DYM: variants seen among roughly 807,000 people sequenced by gnomAD.
DYM encodes dymeclin, also known as dyggve-Melchior-Clausen syndrome protein.
A neutral mutation model predicts 93.1 loss-of-function variants in DYM; 78 were observed. The ratio of observed to expected loss-of-function variants is 0.84; its 90% CI spans 0.70 to 1.01. The LOEUF is 1.01. DYM is among the 50% of genes least tolerant of loss of function. The pLI is 0.00. For missense variants in DYM, 789 were observed against 845.0 expected, an observed-to-expected ratio of 0.93 and a Z score of 0.82; for synonymous variants, 321 against 319.7, an observed-to-expected ratio of 1.00 and a Z score of -0.04.
chr18:49,333,767 C>A lies in DYM; in HGVS notation c.581G>T (p.Arg194Leu). The change falls in exon 7 of 18, where the codon CGA (arginine) becomes CTA (leucine). Residue 194 changes from arginine (R) to leucine (L), a missense_variant. Physicochemically the swap from Arg to Leu is moderately radical, Grantham distance 102 (BLOSUM62 -2). Around this residue, in one of 3 missense-constraint regions of DYM, gnomAD observed 450 missense variants for 436.2 expected, o/e 1.03. Transcript: ENST00000675505. ...CAAATACTTGTGGCTGATGCTCTGT[C>A]GCAAAACTTCTTTGTGGAAGAGTTG... ...SCQLFHKEVL[R>L]QSISHKYLMR... 1 of 1,613,910 alleles carries A rather than the reference C, an allele frequency of 6.2e-7. No individual in the cohort carries two copies. The highest frequency in any genetic ancestry group is 8.5e-7 in the Non-Finnish European group (1 of 1,179,918).
chr18:49,232,649 C>T (rs2093735747), intron 13 of DYM, among the ~76,000 whole-genome samples: 1 of 142,274 alleles, frequency 7.0e-6, no homozygotes, highest in Non-Finnish European at 1.5e-5. Flanking sequence ...TGCTCTGTCG[C>T]CCAGGATGGA....
intron 14 of DYM, among the ~76,000 whole-genome samples, chr18:49,203,004 G>A (rs1444020491): frequency 3.4e-5 from 2 of 57,982 alleles, no homozygotes; most frequent in East Asian, 6.3e-4. Context: ...AGGGAGGTGG[G>A]GGGGTCAGCC....
rs753105296 is a variant in DYM, at chr18:49,051,516, G to A, written c.2026-7312C>T. Among the ~76,000 whole-genome samples, 21 of 152,360 alleles carry A rather than the reference G, an allele frequency of 1.4e-4. No homozygotes were observed. The South Asian group carries it at 3.1e-3, about 23-fold the overall frequency. On this transcript the variant is annotated intron_variant, in intron 17 of 17. Coordinates refer to ENST00000675505, the MANE Select transcript of DYM (RefSeq NM_001353214.3). ...CTGCCATGCCTCTAGGCTCTGCAGGGTTCACTTGAAGAAAGGGTTGAATGG... is the reference window on the plus strand; with the variant it reads ...CTGCCATGCCTCTAGGCTCTGCAGGATTCACTTGAAGAAAGGGTTGAATGG...
At chr18:49,059,755 T>C (rs1361789211) in intron 17 of DYM, among the ~76,000 whole-genome samples, 1 of 152,034 alleles carries the variant, frequency 6.6e-6, no homozygotes, top group Non-Finnish European at 1.5e-5. Flanking sequence ...AAATTACCCA[T>C]GCACACCAAA....
chr18:49,361,829 G>A (rs748296382), intron 6 of DYM, among the ~76,000 whole-genome samples: 1 of 152,002 alleles, frequency 6.6e-6, no homozygotes, highest in Non-Finnish European at 1.5e-5. Flanking sequence ...TGGTCCAAAC[G>A]ATTCTCCTGC....
intron 6 of DYM, among the ~76,000 whole-genome samples, chr18:49,351,598 A>C (rs74578014): frequency 3.9e-5 from 6 of 151,924 alleles, no homozygotes; most frequent in African/African-American, 9.7e-5. Flanking sequence ...AAAAAAAAAA[A>C]CCATACAGAG....
At chr18:49,236,197 T>C (rs1162652144) in intron 13 of DYM, among the ~76,000 whole-genome samples, 2 of 152,148 alleles carry the variant, frequency 1.3e-5, no homozygotes, top group Non-Finnish European at 2.9e-5. Flanking sequence ...AATATGTAAA[T>C]AGGCCAGGCA....
Position 49,075,087 on chromosome 18 carries a change from C to A in DYM, c.2025+22315G>T, listed in dbSNP as rs189851112. On this transcript the variant is annotated intron_variant, in intron 17 of 17. Transcript: ENST00000675505. ...AGAATCAGGAGGCCAGGAAACCTAG[C>A]TTTCACCTGTGTCTCCTTGCTGAAC... 2.2e-4 allele frequency among the ~76,000 whole-genome samples: 34 copies of A among 152,306 alleles called. No individual in the cohort carries two copies. In the East Asian group the frequency reaches 3.9e-3, roughly 17 times the overall value.
At chr18:49,125,580 A>G (rs1174084484) in intron 15 of DYM, among the ~76,000 whole-genome samples, 1 of 152,232 alleles carries the variant, frequency 6.6e-6, no homozygotes, top group Non-Finnish European at 1.5e-5. Flanking sequence ...TACGTGCATT[A>G]CTTTATTCAA....
At position 49,181,399 on chromosome 18, in the gene DYM, C is replaced by G. The variant is rs769406857; in HGVS notation, c.1626-17612G>C. Among the ~76,000 whole-genome samples, 15 of 152,132 alleles carry G rather than the reference C, an allele frequency of 9.9e-5. 1 individual carries two copies. The highest frequency in any genetic ancestry group is 7.9e-4 in the Admixed American group (12 of 15,270). ...ACATGTTATTCTGTTTTACGAGACA[C>G]AAACCAGCTGGTTTATAATAGAATT... is the stretch of plus-strand genomic sequence containing the variant. On this transcript the variant is annotated intron_variant, in intron 14 of 17. Coordinates refer to ENST00000675505, the MANE Select transcript of DYM (RefSeq NM_001353214.3).
At chr18:49,448,727 T>C (rs990840677) in intron 1 of DYM, among the ~76,000 whole-genome samples, 1 of 152,228 alleles carries the variant, frequency 6.6e-6, no homozygotes, top group East Asian at 1.9e-4. Flanking sequence ...CACCTTTTTC[T>C]CTAAGTGGGT....
At chr18:49,444,559 TAAG>T (rs1333010176) in intron 1 of DYM, among the ~76,000 whole-genome samples, 2 of 152,168 alleles carry the variant, frequency 1.3e-5, no homozygotes, top group African/African-American at 4.8e-5. Flanking sequence ...AAAATTAAAA[TAAG>T]AAGATCTCTA....
intron 8 of DYM, among the ~76,000 whole-genome samples, chr18:49,326,027 C>T (rs895942403): frequency 1.3e-5 from 2 of 152,198 alleles, no homozygotes; most frequent in African/African-American, 2.4e-5. Context: ...CATTCATCAG[C>T]GGTGCTGAAA....
chr18:49,432,492 A>T (rs555444780), intron 1 of DYM, among the ~76,000 whole-genome samples: 34 of 145,302 alleles, frequency 2.3e-4, no homozygotes, highest in African/African-American at 5.1e-4. Flanking sequence ...TAAAATGTTT[A>T]AAAAAAAAAG....
intron 6 of DYM, among the ~76,000 whole-genome samples, chr18:49,355,916 G>A (rs867620520): frequency 6.6e-6 from 1 of 152,114 alleles, no homozygotes; most frequent in Non-Finnish European, 1.5e-5. Flanking sequence ...TGAGAATTTA[G>A]AAAGTTTGTC....
chr18:49,056,606 C>T (rs779077079), intron 17 of DYM, among the ~76,000 whole-genome samples: 16 of 151,708 alleles, frequency 1.1e-4, no homozygotes, highest in Non-Finnish European at 2.4e-4. Context: ...GGTGTGATCT[C>T]GGCTCACTGT....
chr18:49,098,950 C>T (rs2079842205), intron 16 of DYM, among the ~76,000 whole-genome samples: 1 of 152,116 alleles, frequency 6.6e-6, no homozygotes, highest in South Asian at 2.1e-4. Flanking sequence ...TAAATATCTT[C>T]ACAGGTTGTA....
chr18:49,126,904 C>G (rs2082883996), intron 15 of DYM, among the ~76,000 whole-genome samples: 1 of 152,124 alleles, frequency 6.6e-6, no homozygotes, highest in Non-Finnish European at 1.5e-5. Flanking sequence ...AAATGTAAGT[C>G]CAAAATCCCA....
At position 49,052,435 on chromosome 18, in the gene DYM, T is replaced by C. The variant is rs115394056; in HGVS notation, c.2026-8231A>G. Among the ~76,000 whole-genome samples, 715 of 152,332 alleles carry C rather than the reference T, an allele frequency of 4.7e-3. 4 individuals are homozygous for C. Among genetic ancestry groups the C allele is most frequent in the African/African-American group, 0.017 (691 of 41,572 alleles). On this transcript the variant is annotated intron_variant, in intron 17 of 17. Coordinates refer to ENST00000675505, the MANE Select transcript of DYM (RefSeq NM_001353214.3). ...GAAAAGAAAGACAAAAGGTTTAATT[T>C]AGCACTAAGGACACTGGGGACACAT...
Sources: allele counts gnomAD v4.1 joint callset (sites outside exome capture counted in the v4.1 genomes callset), GRCh38; gene constraint gnomAD v4.1.1; regional missense constraint gnomAD v4.1.1; transcripts MANE v1.5; gene names NCBI Gene and HGNC (gene_info 2026-07-23, HGNC 2026-07-21).